Variants in DENND4A observed in about 807,000 individuals in gnomAD.
The protein encoded by DENND4A is C-myc promoter-binding protein.
DENND4A carries 70 observed loss-of-function variants against 199.3 expected under a neutral mutation model. That is an observed-to-expected ratio of 0.35 (90% CI 0.29 to 0.43). The LOEUF is 0.43. Ranked by LOEUF, DENND4A falls within the 20% of genes least tolerant of loss-of-function variation. DENND4A has a pLI of 1.00. For synonymous variants in DENND4A, 686 were observed against 766.9 expected (o/e 0.89, Z 1.74); for missense variants, 1,723 against 2,255.8 (o/e 0.76, Z 4.78).
At chr15:65,756,641 T>A (rs1360407330) in intron 2 of DENND4A, among the ~76,000 whole-genome samples, 169 bp from the exon 3 acceptor site, 3 of 152,230 alleles carry the variant, frequency 2.0e-5, no homozygotes, top group Non-Finnish European at 4.4e-5. Context: ...AATAAAAACA[T>A]CTTTAGCAAT....
At position 65,785,809 on chromosome 15, in the gene DENND4A, G is replaced by A. The variant is rs926846851; in HGVS notation, c.-102+6201C>T. ...CTCACTATCAACAATATATACTATA[G>A]GACAAAATTACAGTAACTTGGGTCC... On this transcript the variant is annotated intron_variant, in intron 1 of 32. Coordinates refer to ENST00000443035, the MANE Select transcript of DENND4A (RefSeq NM_001320835.1). Among the ~76,000 whole-genome samples the A allele has an allele frequency of 2.0e-5, 3 of 152,078 alleles. No individual in the cohort carries two copies. The South Asian group carries it at 6.2e-4, about 32-fold the overall frequency.
chr15:65,678,841 C>A (rs1234566141), intron 23 of DENND4A, among the ~76,000 whole-genome samples: 1 of 152,100 alleles, frequency 6.6e-6, no homozygotes, highest in Non-Finnish European at 1.5e-5. Context: ...AGGTGCACAC[C>A]ACCATGACTG....
Position 65,729,572 on chromosome 15 carries a change from G to T in DENND4A, c.1273C>A (p.Pro425Thr), listed in dbSNP as rs763347116. ...EHKILIHSLR[P>T]SVLTSVTEAL... ...TCTGTCACACTAGTAAGCACGGATG[G>T]CCGTAGGGAATGGATAAGAATTTTA... Residue 425 changes from proline (P) to threonine (T), a missense_variant, in exon 10 of 33, where the codon CCA becomes ACA. Around this residue, in one of 6 missense-constraint regions of DENND4A, gnomAD observed 725 missense variants for 952.9 expected, o/e 0.76. Coordinates refer to ENST00000443035, the MANE Select transcript of DENND4A (RefSeq NM_001320835.1). 1.9e-6 allele frequency: 3 copies of T among 1,606,892 alleles called. No individual in the cohort carries two copies. Among genetic ancestry groups the T allele is most frequent in the South Asian group, 1.1e-5 (1 of 89,604 alleles).
intron 23 of DENND4A, among the ~76,000 whole-genome samples, chr15:65,679,106 T>A (rs1454961799): frequency 6.6e-6 from 1 of 151,986 alleles, no homozygotes; most frequent in African/African-American, 2.4e-5. Context: ...GATTTTATTA[T>A]TATTTTGAGA....
At chr15:65,769,669 T>G (rs2077078723) in intron 1 of DENND4A, among the ~76,000 whole-genome samples, 1 of 152,168 alleles carries the variant, frequency 6.6e-6, no homozygotes, top group Non-Finnish European at 1.5e-5. Flanking sequence ...TTTTGTTTAT[T>G]TTATGGTTTG....
chr15:65,728,608 C>G (rs1249954031), intron 11 of DENND4A, among the ~76,000 whole-genome samples: 1 of 151,836 alleles, frequency 6.6e-6, no homozygotes, highest in Non-Finnish European at 1.5e-5. Context: ...TTCAGCCTCC[C>G]GAGTAGCTGG....
At chr15:65,720,752 C>A (rs2075595685) in intron 12 of DENND4A, among the ~76,000 whole-genome samples, 1 of 151,230 alleles carries the variant, frequency 6.6e-6, no homozygotes. Flanking sequence ...TCCTTGTTAA[C>A]TGTATGATCT....
chr15:65,758,365 A>G (rs2140712340), intron 2 of DENND4A, among the ~76,000 whole-genome samples: 1 of 152,224 alleles, frequency 6.6e-6, no homozygotes, highest in East Asian at 1.9e-4. Flanking sequence ...CCAGGCTGAA[A>G]TGGAGTAGTG....
At position 65,771,303 on chromosome 15, in the gene DENND4A, GTCTT is replaced by G. The variant is rs1412685099; in HGVS notation, c.-101-9869_-101-9866del. ...GCATACTGCATATCTGTTTTTTGTT[GTCTT>G]TCTTTCCAGCAGTTATTTCGAATAT... On this transcript the variant is annotated intron_variant, in intron 1 of 32. Coordinates refer to ENST00000443035, the MANE Select transcript of DENND4A (RefSeq NM_001320835.1). 14 of 1,588,100 alleles carry G rather than the reference GTCTT, an allele frequency of 8.8e-6. 1 individual carries two copies. Among genetic ancestry groups the G allele is most frequent in the South Asian group, 6.7e-5 (6 of 89,826 alleles).
intron 14 of DENND4A, chr15:65,715,246 C>G (rs1343825821): frequency 8.3e-6 from 3 of 360,086 alleles, no homozygotes; most frequent in Non-Finnish European, 1.5e-5. Flanking sequence ...GACTTGATTG[C>G]TACAATAAAA....
intron 24 of DENND4A, among the ~76,000 whole-genome samples, chr15:65,675,439 T>C (rs905849280): frequency 4.0e-5 from 6 of 151,674 alleles, no homozygotes; most frequent in African/African-American, 1.5e-4. Flanking sequence ...TTTGATGATA[T>C]AGAATTTAAA....
rs2074870349 is a variant in DENND4A, at chr15:65,701,622, A to G, written c.2559+140T>C. The G allele has an allele frequency of 5.1e-6, 4 of 783,104 alleles. No homozygotes were observed. In the Admixed American group the frequency reaches 1.2e-4, roughly 23 times the overall value. 48.5% of individuals were successfully genotyped at this position (783,104 alleles called of 1,614,324 possible). On this transcript the variant is annotated intron_variant, in intron 18 of 32. Transcript: ENST00000443035. The stretch of plus-strand genomic sequence containing the variant: ...AGATTGTATAACATAAAAGAGAACT[A>G]AAGTCTTCCTTGATTGACAAAATGT...
chr15:65,784,838 T>G (rs1383157448), intron 1 of DENND4A, among the ~76,000 whole-genome samples: 1 of 152,112 alleles, frequency 6.6e-6, no homozygotes, highest in African/African-American at 2.4e-5. Context: ...ACTGTGGTAC[T>G]AATTATATTA....
intron 1 of DENND4A, among the ~76,000 whole-genome samples, chr15:65,783,446 G>A (rs2077485468): frequency 6.6e-6 from 1 of 152,094 alleles, no homozygotes; most frequent in African/African-American, 2.4e-5. Flanking sequence ...ACAGATAATA[G>A]TTATATATGT....
chr15:65,742,719 G>A lies in DENND4A; in HGVS notation c.562-935C>T, dbSNP rs946409050. 2.6e-5 allele frequency among the ~76,000 whole-genome samples: 4 copies of A among 152,220 alleles called. No individual in the cohort carries two copies. The South Asian group carries it at 6.2e-4, about 24-fold the overall frequency. Reference sequence around the variant, plus strand: ...CTCCCAAAGTGTTGGGATTACAGGCGTGAGCCACTGTGCCCAGCCTCTTTT... The same window carrying A: ...CTCCCAAAGTGTTGGGATTACAGGCATGAGCCACTGTGCCCAGCCTCTTTT... On this transcript the variant is annotated intron_variant, in intron 4 of 32. Transcript: ENST00000443035.
intron 20 of DENND4A, among the ~76,000 whole-genome samples, chr15:65,700,263 T>C (rs2074818795): frequency 6.6e-6 from 1 of 152,018 alleles, no homozygotes; most frequent in Admixed American, 6.6e-5. Flanking sequence ...AATGATAGGG[T>C]AAACAGATCT....
chr15:65,728,222 C>A (rs950068418), intron 11 of DENND4A, among the ~76,000 whole-genome samples: 1 of 151,906 alleles, frequency 6.6e-6, no homozygotes, highest in African/African-American at 2.4e-5. Flanking sequence ...AGGCTGGTCT[C>A]GAACTCCTGA....
intron 7 of DENND4A, among the ~76,000 whole-genome samples, chr15:65,736,430 A>T (rs1434998641): frequency 4.3e-5 from 6 of 138,016 alleles, no homozygotes; most frequent in East Asian, 4.1e-4. Context: ...TGGCTTTTGT[A>T]TTTTTTTTTT....
chr15:65,720,957 A>ATATATATATATATATATATAT (rs2075611418), intron 12 of DENND4A, among the ~76,000 whole-genome samples: 1 of 37,974 alleles, frequency 2.6e-5, no homozygotes. Context: ...TTATATATAT[A>ATATATATATATATATATATAT]TATATATATA....
Sources: allele counts gnomAD v4.1 joint callset (sites outside exome capture counted in the v4.1 genomes callset), GRCh38; gene constraint gnomAD v4.1.1; regional missense constraint gnomAD v4.1.1; transcripts MANE v1.5; gene names NCBI Gene and HGNC (gene_info 2026-07-23, HGNC 2026-07-21).